MKX: variants seen among roughly 807,000 people sequenced by gnomAD.
MKX encodes the protein mohawk homeobox.
MKX carries 13 observed loss-of-function variants against 36.0 expected under a neutral mutation model. The ratio of observed to expected loss-of-function variants is 0.36; its 90% CI spans 0.24 to 0.57. MKX has a LOEUF of 0.57. MKX is among the 20% of genes least tolerant of loss of function. MKX has a pLI of 0.79. For missense variants in MKX, 458 were observed against 456.4 expected (o/e 1.00, Z -0.03); for synonymous variants, 176 against 178.3 (o/e 0.99, Z 0.10).
intron 5 of MKX, among the ~76,000 whole-genome samples, chr10:27,679,175 A>T (rs1248484239): frequency 2.0e-5 from 3 of 152,178 alleles, no homozygotes; most frequent in African/African-American, 7.2e-5. Flanking sequence ...AATGTAAATG[A>T]CAAGTTGATG....
intron 5 of MKX, among the ~76,000 whole-genome samples, chr10:27,711,919 AC>A (rs2132595890): frequency 6.6e-6 from 1 of 152,218 alleles, no homozygotes; most frequent in Admixed American, 6.5e-5. Context: ...CCCATAAAGG[AC>A]AAGAAGCAGG....
chr10:27,696,066 T>G (rs1836548272), intron 5 of MKX, among the ~76,000 whole-genome samples: 1 of 152,222 alleles, frequency 6.6e-6, no homozygotes, highest in Admixed American at 6.5e-5. Context: ...TTATCTTGAA[T>G]TAAACACCCT....
At chr10:27,707,598 A>G (rs11015957) in intron 5 of MKX, among the ~76,000 whole-genome samples, 1 of 152,166 alleles carries the variant, frequency 6.6e-6, no homozygotes, top group Non-Finnish European at 1.5e-5. Flanking sequence ...AAAGCAACAT[A>G]AAAATTCAGC....
At chr10:27,730,872 C>T (rs1041934055) in intron 5 of MKX, among the ~76,000 whole-genome samples, 9 of 151,810 alleles carry the variant, frequency 5.9e-5, no homozygotes, top group Non-Finnish European at 8.8e-5. Context: ...CGGTGGCTCA[C>T]GCCTGTAATC....
chr10:27,701,827 GTATATATATA>G (rs10609979), intron 5 of MKX, among the ~76,000 whole-genome samples: 2 of 145,476 alleles, frequency 1.4e-5, no homozygotes, highest in African/African-American at 2.5e-5. Flanking sequence ...GTGTGTGTGT[GTATATATATA>G]TATATATATA....
intron 5 of MKX, among the ~76,000 whole-genome samples, chr10:27,678,363 G>C (rs1836192148): frequency 2.0e-5 from 3 of 152,216 alleles, no homozygotes; most frequent in Non-Finnish European, 4.4e-5. Flanking sequence ...CCAAAGTGAA[G>C]CAATAGGTTA....
intron 5 of MKX, among the ~76,000 whole-genome samples, chr10:27,719,131 G>GCTTA (rs1245241717): frequency 6.6e-6 from 1 of 152,088 alleles, no homozygotes; most frequent in Non-Finnish European, 1.5e-5. Context: ...ACAAATACAT[G>GCTTA]CTTAATGGGG....
At chr10:27,712,421 T>C (rs1836889626) in intron 5 of MKX, among the ~76,000 whole-genome samples, 1 of 151,646 alleles carries the variant, frequency 6.6e-6, no homozygotes, top group Non-Finnish European at 1.5e-5. Context: ...TGGAACAGAG[T>C]TTGGGAGTTG....
chr10:27,732,535 G>A (rs73604049), intron 5 of MKX, among the ~76,000 whole-genome samples: 2,466 of 151,776 alleles, frequency 0.016, 55 homozygotes, highest in African/African-American at 0.056. Flanking sequence ...AATTTGCGTC[G>A]ATTTTTGCTT....
At chr10:27,689,054 C>T (rs904963653) in intron 5 of MKX, among the ~76,000 whole-genome samples, 3 of 152,132 alleles carry the variant, frequency 2.0e-5, no homozygotes, top group African/African-American at 7.2e-5. Context: ...AGTATTTTTC[C>T]TTTGATACAT....
intron 5 of MKX, among the ~76,000 whole-genome samples, chr10:27,691,923 A>G (rs1313967996): frequency 1.3e-5 from 2 of 152,184 alleles, no homozygotes; most frequent in East Asian, 3.8e-4. Flanking sequence ...CATGGTGTAT[A>G]TGTACCTCAC....
chr10:27,727,107 A>G (rs1265766134), intron 5 of MKX, among the ~76,000 whole-genome samples: 1 of 152,242 alleles, frequency 6.6e-6, no homozygotes, highest in East Asian at 1.9e-4. Context: ...ATATGAAATC[A>G]GTGTTGCTAC....
chr10:27,714,710 C>T (rs1836933347), intron 5 of MKX, among the ~76,000 whole-genome samples: 1 of 152,156 alleles, frequency 6.6e-6, no homozygotes, highest in African/African-American at 2.4e-5. Flanking sequence ...TATCTTAGAA[C>T]CTAAACTTAT....
intron 5 of MKX, among the ~76,000 whole-genome samples, chr10:27,733,676 A>C (rs921571581): frequency 1.3e-5 from 2 of 152,208 alleles, no homozygotes; most frequent in African/African-American, 4.8e-5. Context: ...TGTCTACACC[A>C]GATGTTGGTC....
At chr10:27,701,893 C>T (rs987890288) in intron 5 of MKX, among the ~76,000 whole-genome samples, 3 of 150,990 alleles carry the variant, frequency 2.0e-5, no homozygotes, top group African/African-American at 7.3e-5. Flanking sequence ...TATATATACA[C>T]ACACAAACAC....
chr10:27,725,359 C>T (rs1834466143), intron 5 of MKX, among the ~76,000 whole-genome samples: 2 of 152,110 alleles, frequency 1.3e-5, no homozygotes, highest in Admixed American at 1.3e-4. Flanking sequence ...AAACACACCA[C>T]CCTTCATTTA....
At chr10:27,730,290 T>C (rs889726055) in intron 5 of MKX, among the ~76,000 whole-genome samples, 2 of 152,210 alleles carry the variant, frequency 1.3e-5, no homozygotes, top group Non-Finnish European at 2.9e-5. Flanking sequence ...ATAATGTCTA[T>C]GTAAAATCAA....
chr10:27,696,016 G>A (rs181629497), intron 5 of MKX, among the ~76,000 whole-genome samples: 114 of 152,200 alleles, frequency 7.5e-4, no homozygotes, highest in East Asian at 3.3e-3. Flanking sequence ...TTCCTAAAGC[G>A]GCTTTCTTGT....
At chr10:27,727,527 T>C (rs1834518085) in intron 5 of MKX, among the ~76,000 whole-genome samples, 1 of 152,270 alleles carries the variant, frequency 6.6e-6, no homozygotes, top group Non-Finnish European at 1.5e-5. Flanking sequence ...TCCATGTCAA[T>C]GTGTTTTGCT....
Sources: gnomAD v4.1 joint callset for allele counts (sites outside exome capture counted in the v4.1 genomes callset) on GRCh38, gnomAD v4.1.1 for gene constraint, MANE v1.5 for transcripts, NCBI Gene and HGNC (gene_info 2026-07-23, HGNC 2026-07-21) for gene names.